The following GALNT17 variants were observed in gnomAD, a reference collection of about 807,000 sequenced individuals.
GALNT17 encodes the protein polypeptide N-acetylgalactosaminyltransferase 17, also known as UDP-GalNAc:polypeptide N-acetylgalactosaminyltransferase-like 3.
In GALNT17, 29 loss-of-function variants were observed where a neutral mutation model predicts 63.7. The observed-to-expected ratio is 0.46, with a 90% CI of 0.34 to 0.62. The LOEUF is 0.62. Among genes scored for constraint, GALNT17 ranks in the 20% least tolerant of loss-of-function variants. GALNT17 has a pLI of 0.01. For missense variants in GALNT17, 603 were observed against 799.6 expected (o/e 0.75, Z 2.97); for synonymous variants, 305 against 318.3 (o/e 0.96, Z 0.45).
Position 71,388,231 on chromosome 7 carries a change from C to T in GALNT17, c.423-4C>T, listed in dbSNP as rs1043769008. The T allele has an allele frequency of 8.1e-6, 13 of 1,612,756 alleles. No homozygotes were observed. The highest frequency in any genetic ancestry group is 1.1e-5 in the Non-Finnish European group (13 of 1,179,208). On this transcript the variant is annotated splice_polypyrimidine_tract_variant and splice_region_variant and intron_variant, in intron 2 of 10. Transcript: ENST00000333538. ...CTCTGCATTTCCGATCTCTCCTTCC[C>T]CAGGTGTAAGGAGCTCAAGTACTCC... is the stretch of plus-strand genomic sequence containing the variant.
rs866509270 is a variant in GALNT17, at chr7:71,699,424, C to T, written c.1501-11337C>T. Among the ~76,000 whole-genome samples, 24 of 146,760 alleles carry T rather than the reference C, an allele frequency of 1.6e-4. 1 individual carries two copies. Among genetic ancestry groups the T allele is most frequent in the Middle Eastern group, 7.6e-3 (2 of 262 alleles). ...CTGGGAGGCAGAGGTTGCAGTGAGC[C>T]GAGATTGCGCCACTGCGCTCCAGCC... On this transcript the variant is annotated intron_variant, in intron 9 of 10. Transcript: ENST00000333538.
intron 6 of GALNT17, among the ~76,000 whole-genome samples, chr7:71,619,868 A>G (rs1246018491): frequency 6.6e-6 from 1 of 152,012 alleles, no homozygotes; most frequent in African/African-American, 2.4e-5. Context: ...GTCTTGTTTC[A>G]GTTCTCAATG....
intron 9 of GALNT17, among the ~76,000 whole-genome samples, chr7:71,687,748 A>G (rs888736718): frequency 2.0e-5 from 3 of 152,142 alleles, no homozygotes; most frequent in South Asian, 2.1e-4. Flanking sequence ...TTAATTAACT[A>G]TATATTTCAT....
chr7:71,504,334 G>A (rs1159493930), intron 5 of GALNT17, among the ~76,000 whole-genome samples: 1 of 152,164 alleles, frequency 6.6e-6, no homozygotes, highest in East Asian at 1.9e-4. Flanking sequence ...TGCGGAGGTT[G>A]CAGTGAGCCG....
intron 5 of GALNT17, among the ~76,000 whole-genome samples, chr7:71,476,836 C>T (rs118179205): frequency 0.013 from 1,937 of 152,290 alleles, 10 homozygotes; most frequent in Non-Finnish European, 0.02. Context: ...GAATTCCAGA[C>T]TCACAGAATC....
At chr7:71,620,576 T>A (rs527900574) in intron 6 of GALNT17, among the ~76,000 whole-genome samples, 1 of 152,308 alleles carries the variant, frequency 6.6e-6, no homozygotes, top group Non-Finnish European at 1.5e-5. Context: ...TAAATTGGAA[T>A]TAACAAAAAA....
intron 10 of GALNT17, among the ~76,000 whole-genome samples, 181 bp downstream of exon 10, chr7:71,711,109 A>G (rs2115569369): frequency 6.6e-6 from 1 of 152,232 alleles, no homozygotes; most frequent in East Asian, 1.9e-4. Context: ...GAGTTTCTGC[A>G]TGGAGTAGCA....
chr7:71,150,748 G>T (rs902888524), intron 1 of GALNT17, among the ~76,000 whole-genome samples: 6 of 151,706 alleles, frequency 4.0e-5, no homozygotes, highest in Non-Finnish European at 8.8e-5. Context: ...CTGACCTCGT[G>T]ATCCGCCCAC....
At chr7:71,143,296 C>CATA in intron 1 of GALNT17, among the ~76,000 whole-genome samples, 1 of 151,556 alleles carries the variant, frequency 6.6e-6, no homozygotes, top group Non-Finnish European at 1.5e-5. Flanking sequence ...GTGGCGGGCA[C>CATA]CCGTCATCCC....
intron 1 of GALNT17, among the ~76,000 whole-genome samples, chr7:71,252,932 A>G (rs117784606): frequency 6.6e-6 from 1 of 152,188 alleles, no homozygotes; most frequent in East Asian, 1.9e-4. Flanking sequence ...GTTTATCTTC[A>G]CAGGTATGGG....
chr7:71,666,996 T>C (rs1464870698), intron 7 of GALNT17, among the ~76,000 whole-genome samples: 1 of 152,240 alleles, frequency 6.6e-6, no homozygotes, highest in Non-Finnish European at 1.5e-5. Context: ...AATTTATACA[T>C]GTGGCATGCT....
At chr7:71,290,667 A>G (rs1370066573) in intron 1 of GALNT17, among the ~76,000 whole-genome samples, 1 of 152,128 alleles carries the variant, frequency 6.6e-6, no homozygotes, top group Non-Finnish European at 1.5e-5. Context: ...AAGCATCAGT[A>G]TTGGCTGGTC....
chr7:71,191,521 T>C (rs971819707), intron 1 of GALNT17, among the ~76,000 whole-genome samples: 2 of 152,252 alleles, frequency 1.3e-5, no homozygotes, highest in African/African-American at 4.8e-5. Context: ...CATGTGGCTA[T>C]GTTTCAATAA....
At position 71,469,127 on chromosome 7, in the gene GALNT17, G is replaced by A. The variant is rs147685064; in HGVS notation, c.962+48022G>A. Among the ~76,000 whole-genome samples the A allele has an allele frequency of 2.9e-3, 435 of 152,104 alleles. 3 individuals are homozygous for A. The highest frequency in any genetic ancestry group is 0.01 in the African/African-American group (417 of 41,480). On this transcript the variant is annotated intron_variant, in intron 5 of 10. Coordinates refer to ENST00000333538, the MANE Select transcript of GALNT17 (RefSeq NM_022479.3). ...AGTGAAGGCACAGCAGAGGAGGGAA[G>A]GTGTTCTGGCTTCAGGAAAGGGTGG...
At position 71,292,222 on chromosome 7, in the gene GALNT17, G is replaced by A. The variant is rs184875914; in HGVS notation, c.239-43328G>A. Among the ~76,000 whole-genome samples, 320 of 152,252 alleles carry A rather than the reference G, an allele frequency of 2.1e-3. 9 individuals carry two copies. The South Asian group carries it at 0.035, about 17-fold the overall frequency. On this transcript the variant is annotated intron_variant, in intron 1 of 10. Coordinates refer to ENST00000333538, the MANE Select transcript of GALNT17 (RefSeq NM_022479.3). ...TAGAAAAGGTACCAGGCTGAGAAAC[G>A]AACTGGCTTAGAGTAATGGGTTGCA...
At chr7:71,404,611 A>G (rs753318651) in intron 3 of GALNT17, among the ~76,000 whole-genome samples, 4 of 152,184 alleles carry the variant, frequency 2.6e-5, no homozygotes, top group African/African-American at 4.8e-5. Context: ...GTTCCTCACC[A>G]TGGCTATTCT....
At position 71,224,718 on chromosome 7, in the gene GALNT17, A is replaced by C. The variant is rs1290842128; in HGVS notation, c.238+91678A>C. On this transcript the variant is annotated intron_variant, in intron 1 of 10. Transcript: ENST00000333538. ...GGATGGTGATGTGTTCTGAAACAAC[A>C]TCTGGAGCTGCTGTAGCCACTGGAT... Among the ~76,000 whole-genome samples, 3 of 152,120 alleles carry C rather than the reference A, an allele frequency of 2.0e-5. No homozygotes were observed. In the East Asian group the frequency reaches 5.8e-4, roughly 29 times the overall value.
At chr7:71,404,379 T>A (rs1793291192) in intron 3 of GALNT17, among the ~76,000 whole-genome samples, 1 of 152,232 alleles carries the variant, frequency 6.6e-6, no homozygotes, top group Non-Finnish European at 1.5e-5. Context: ...TGCTTTGATC[T>A]CACTATGGAA....
chr7:71,327,895 G>A (rs141619195), intron 1 of GALNT17, among the ~76,000 whole-genome samples: 13 of 152,306 alleles, frequency 8.5e-5, no homozygotes, highest in African/African-American at 3.1e-4. Flanking sequence ...CCCCAGCCCA[G>A]TAGGGAAAGA....
Sources: allele counts gnomAD v4.1 joint callset (sites outside exome capture counted in the v4.1 genomes callset), GRCh38; gene constraint gnomAD v4.1.1; transcripts MANE v1.5; gene names NCBI Gene and HGNC (gene_info 2026-07-23, HGNC 2026-07-21).